The following SPATA19 variants were observed in gnomAD, a reference collection of about 807,000 sequenced individuals.
SPATA19 encodes the protein spermatogenesis associated 19.
In SPATA19, 19 loss-of-function variants were observed where a neutral mutation model predicts 25.0. The observed-to-expected ratio is 0.76, with a 90% CI of 0.53 to 1.11. SPATA19 has a LOEUF of 1.11. Among genes scored for constraint, SPATA19 ranks in the 50% most tolerant of loss-of-function variants. SPATA19 has a pLI of 0.00. For synonymous variants in SPATA19, 64 were observed against 69.3 expected, an observed-to-expected ratio of 0.92 and a Z score of 0.38; for missense variants, 222 against 211.4, an observed-to-expected ratio of 1.05 and a Z score of -0.31.
At chr11:133,842,188 G>A (rs1015620877) in intron 5 of SPATA19, 83 bp from the exon 6 acceptor site, 51 of 1,391,590 alleles carry the variant, frequency 3.7e-5, no homozygotes, top group East Asian at 1.1e-4. Flanking sequence ...CAGGGGCTGC[G>A]GTGGGAGGGC....
At chr11:133,843,602 C>T (rs1938356851) in intron 4 of SPATA19, among the ~76,000 whole-genome samples, 1 of 152,198 alleles carries the variant, frequency 6.6e-6, no homozygotes, top group African/African-American at 2.4e-5. Flanking sequence ...CTTCAGGTTC[C>T]CGTAGGACCA....
chr11:133,844,644 A>G lies in SPATA19; in HGVS notation c.136-4T>C. 6.3e-7 allele frequency: 1 copy of G among 1,588,750 alleles called. No homozygotes were observed. Among genetic ancestry groups the G allele is most frequent in the Non-Finnish European group, 8.6e-7 (1 of 1,167,898 alleles). ...CCCGAGAAGCCTCTTCTTCTGTCTGAAAGGTGAGAAATTCCCTCTGAAAAT... is the reference window on the plus strand; with the variant it reads ...CCCGAGAAGCCTCTTCTTCTGTCTGGAAGGTGAGAAATTCCCTCTGAAAAT... On this transcript the variant is annotated splice_region_variant and splice_polypyrimidine_tract_variant and intron_variant, in intron 2 of 6. Coordinates refer to ENST00000299140, the MANE Select transcript of SPATA19 (RefSeq NM_174927.3).
chr11:133,844,282 A>G lies in SPATA19; in HGVS notation c.323T>C (p.Leu108Pro), dbSNP rs1447751746. ...DLLANQSQEV[L>P]EERTRIQFIR... ...GAACTGGATTCGTGTTCTCTCCTCT[A>G]GGACCTCTTGGCTCTGGTTTGCCAA... The change falls in exon 4 of 7, where the codon CTA becomes CCA. Residue 108 changes from leucine to proline, a missense_variant. Transcript: ENST00000299140. The G allele has an allele frequency of 6.2e-7, 1 of 1,614,012 alleles. No individual in the cohort carries two copies. The highest frequency in any genetic ancestry group is 1.3e-5 in the African/African-American group (1 of 74,884).
At chr11:133,841,565 A>G (rs1938310774) in intron 6 of SPATA19, among the ~76,000 whole-genome samples, 1 of 152,166 alleles carries the variant, frequency 6.6e-6, no homozygotes, top group East Asian at 1.9e-4. Flanking sequence ...CGGGCCAAGC[A>G]CAAGGCAAGT....
At chr11:133,840,256 G>C (rs1938278214), downstream of SPATA19, among the ~76,000 whole-genome samples, 1 of 152,162 alleles carries the variant, frequency 6.6e-6, no homozygotes, top group Non-Finnish European at 1.5e-5. Context: ...AAAATTGAAG[G>C]AAATTGTCAC....
At chr11:133,843,250 G>C (rs1005732934) in intron 4 of SPATA19, among the ~76,000 whole-genome samples, 1 of 152,114 alleles carries the variant, frequency 6.6e-6, no homozygotes, top group African/African-American at 2.4e-5. Flanking sequence ...GATGATGTGT[G>C]TGTTATCCAA....
chr11:133,845,254 C>T, intron 1 of SPATA19, 64 bp from the exon 2 acceptor site: 6 of 1,544,366 alleles, frequency 3.9e-6, no homozygotes, highest in South Asian at 1.1e-5. Context: ...CCCACCCAGC[C>T]CCCGCAACTG....
downstream of SPATA19, among the ~76,000 whole-genome samples, chr11:133,839,447 C>T (rs1439790363): frequency 9.9e-5 from 15 of 151,230 alleles, no homozygotes; most frequent in Non-Finnish European, 1.5e-4. Flanking sequence ...AACCAAACAC[C>T]GCATGTCCTC....
At chr11:133,842,353 CTG>C in intron 5 of SPATA19, 130 bp downstream of exon 5, 1 of 799,354 alleles carries the variant, frequency 1.3e-6, no homozygotes, top group South Asian at 1.5e-5. Context: ...GCCCTGGGAA[CTG>C]TGTGTCTCTG....
At chr11:133,844,690 G>C (rs1260923875) in intron 2 of SPATA19, 50 bp from the exon 3 acceptor site, 10 of 1,544,166 alleles carry the variant, frequency 6.5e-6, no homozygotes, top group Non-Finnish European at 7.8e-6. Flanking sequence ...ATCCAACCCT[G>C]GGTCTTCTTC....
At chr11:133,836,199 C>T (rs2121168282), downstream of SPATA19, among the ~76,000 whole-genome samples, 1 of 152,286 alleles carries the variant, frequency 6.6e-6, no homozygotes, top group East Asian at 1.9e-4. Context: ...GACTTCTCTC[C>T]CCTCTCAGAG....
At chr11:133,845,303 C>G (rs1006800289) in intron 1 of SPATA19, 66 bp downstream of exon 1, 1 of 1,469,988 alleles carries the variant, frequency 6.8e-7, no homozygotes, top group Admixed American at 1.7e-5. Flanking sequence ...TGAAGTGCAG[C>G]AGGGTCCCAC....
downstream of SPATA19, among the ~76,000 whole-genome samples, chr11:133,840,164 A>G (rs1938276873): frequency 6.6e-6 from 1 of 152,150 alleles, no homozygotes; most frequent in Admixed American, 6.5e-5. Context: ...TGTTGAAAGA[A>G]AAAAAGATTG....
Position 133,844,529 on chromosome 11 carries a change from T to A in SPATA19, c.247A>T (p.Ile83Phe). The A allele has an allele frequency of 6.2e-7, 1 of 1,614,202 alleles. No individual in the cohort carries two copies. Among genetic ancestry groups the A allele is most frequent in the Non-Finnish European group, 8.5e-7 (1 of 1,180,040 alleles). ...TDSPPTHGQDIHVTRDVVKHH... is the reference protein window; with the variant it reads ...TDSPPTHGQDFHVTRDVVKHH... ...TTTACCACATCTCTGGTCACGTGGA[T>A]GTCCTGGCCATGGGTGGGAGGGGAG... The change falls in exon 3 of 7, where the codon ATC (isoleucine) becomes TTC (phenylalanine). Residue 83 changes from isoleucine to phenylalanine, a missense_variant. Ile to Phe is a conservative substitution (Grantham distance 21). Coordinates refer to ENST00000299140, the MANE Select transcript of SPATA19 (RefSeq NM_174927.3).
Position 133,842,495 on chromosome 11 carries a change from C to T in SPATA19, c.427G>A (p.Val143Met). Residue 143 changes from valine (V) to methionine (M), a missense_variant, in exon 5 of 7, where the codon GTG becomes ATG. By Grantham distance (21) the Val-to-Met change is conservative. Transcript: ENST00000299140. ...EDIMRDRIEQ[V>M]RRSISRLTDV... ...TTCCAAACAGCTTACCTTCGTCTCA[C>T]CTGCTCTATTCGATCTCGCATGATG... 6.2e-7 allele frequency: 1 copy of T among 1,613,888 alleles called. No homozygotes were observed. Among genetic ancestry groups the T allele is most frequent in the South Asian group, 1.1e-5 (1 of 91,078 alleles).
intron 2 of SPATA19, 114 bp downstream of exon 2, chr11:133,845,020 T>C (rs889728605): frequency 1.1e-6 from 1 of 890,516 alleles, no homozygotes; most frequent in African/African-American, 1.7e-5. Flanking sequence ...GAAGGGTGTC[T>C]GGCAATGAAC....
downstream of SPATA19, among the ~76,000 whole-genome samples, chr11:133,839,082 G>A (rs1428948989): frequency 2.6e-5 from 4 of 152,144 alleles, no homozygotes; most frequent in Non-Finnish European, 1.5e-5. Flanking sequence ...CACTGTTAGT[G>A]GGACTGTGAA....
intron 5 of SPATA19, 136 bp downstream of exon 5, chr11:133,842,349 G>T (rs1938326803): frequency 2.5e-6 from 2 of 791,780 alleles, no homozygotes; most frequent in Non-Finnish European, 4.4e-6. Context: ...CGCAGCCCTG[G>T]GAACTGTGTG....
Position 133,844,655 on chromosome 11 carries a change from A to T in SPATA19, c.136-15T>A, listed in dbSNP as rs550647781. On this transcript the variant is annotated splice_polypyrimidine_tract_variant and intron_variant, in intron 2 of 6. Coordinates refer to ENST00000299140, the MANE Select transcript of SPATA19 (RefSeq NM_174927.3). The stretch of plus-strand genomic sequence containing the variant: ...TCTTCTTCTGTCTGAAAGGTGAGAA[A>T]TTCCCTCTGAAAATGTCACTCTGCA... 6.3e-7 allele frequency: 1 copy of T among 1,576,932 alleles called. No homozygotes were observed. Among genetic ancestry groups the T allele is most frequent in the South Asian group, 1.2e-5 (1 of 83,992 alleles).
Sources: allele counts gnomAD v4.1 joint callset (sites outside exome capture counted in the v4.1 genomes callset), GRCh38; gene constraint gnomAD v4.1.1; transcripts MANE v1.5; gene names NCBI Gene and HGNC (gene_info 2026-07-23, HGNC 2026-07-21).